Variants in COL28A1 observed in about 807,000 individuals in gnomAD.
COL28A1 encodes collagen alpha-1(XXVIII) chain.
COL28A1 carries 161 observed loss-of-function variants against 150.2 expected under a neutral mutation model. The ratio of observed to expected loss-of-function variants is 1.07; its 90% CI spans 0.94 to 1.22. The LOEUF is 1.22. Ranked by LOEUF, COL28A1 falls within the 50% of genes most tolerant of loss-of-function variation. The pLI, the probability that COL28A1 is intolerant of heterozygous loss-of-function variation, is 0.00. For missense variants in COL28A1, 1,617 were observed against 1,388.3 expected (o/e 1.16, Z -2.62); for synonymous variants, 552 against 469.7 (o/e 1.18, Z -2.26).
At chr7:7,541,892 A>G in the COL28A1 span, among the ~76,000 whole-genome samples, 1 of 152,160 alleles carries the variant, frequency 6.6e-6, no homozygotes, top group African/African-American at 2.4e-5. Flanking sequence ...CAGTCACTTC[A>G]ACCCAGTGAA....
At chr7:7,410,603 T>C (rs889616111) in intron 27 of COL28A1, among the ~76,000 whole-genome samples, 4 of 152,142 alleles carry the variant, frequency 2.6e-5, no homozygotes, top group Non-Finnish European at 5.9e-5. Flanking sequence ...TCAACTTGAA[T>C]GCAGTGATTT....
intron 8 of COL28A1, chr7:7,511,668 T>C (rs1051190587): frequency 2.2e-5 from 10 of 460,696 alleles, no homozygotes; most frequent in Non-Finnish European, 4.5e-5. Context: ...CACCTAGTAG[T>C]GTTCACCTGG....
At chr7:7,502,161 A>T (rs143679592) in intron 11 of COL28A1, among the ~76,000 whole-genome samples, 1,546 of 152,182 alleles carry the variant, frequency 0.01, 26 homozygotes, top group African/African-American at 0.035. Flanking sequence ...CGGCCTCCCA[A>T]AGTGCTGGGA....
intron 18 of COL28A1, among the ~76,000 whole-genome samples, chr7:7,446,648 G>C (rs1342491023): frequency 6.6e-6 from 1 of 152,144 alleles, no homozygotes; most frequent in Non-Finnish European, 1.5e-5. Context: ...ATTATACAAT[G>C]GCAAGACAAG....
chr7:7,352,797 T>C (rs550037940), downstream of COL28A1, among the ~76,000 whole-genome samples: 8 of 152,326 alleles, frequency 5.3e-5, no homozygotes, highest in African/African-American at 1.2e-4. Flanking sequence ...TAATTTGTTA[T>C]AGCAGCAAAA....
intron 33 of COL28A1, among the ~76,000 whole-genome samples, chr7:7,362,612 G>T (rs1364193936): frequency 3.5e-5 from 2 of 56,970 alleles, no homozygotes; most frequent in East Asian, 8.5e-4. Context: ...TTAGAGCAAA[G>T]ATTTTTCCAT....
intron 3 of COL28A1, among the ~76,000 whole-genome samples, chr7:7,529,024 C>G (rs1359665206): frequency 6.6e-6 from 1 of 151,858 alleles, no homozygotes; most frequent in Non-Finnish European, 1.5e-5. Flanking sequence ...GTTCTGGGCC[C>G]GGCGCGATGG....
In COL28A1 at chr7:7,366,079, G is replaced by A. The variant is rs117267017; in HGVS notation, c.3066+4646C>T. 1.8e-4 allele frequency among the ~76,000 whole-genome samples: 28 copies of A among 152,114 alleles called. No homozygotes were observed. The East Asian group carries it at 5.2e-3, about 28-fold the overall frequency. ...AGTGCAGTAAAATAGCCTGCATTCT[G>A]GCTTTACCCAGTAAACATTTTTGAC... On this transcript the variant is annotated intron_variant, in intron 33 of 34. Transcript: ENST00000399429.
At chr7:7,404,565 C>G (rs1783394283) in intron 27 of COL28A1, among the ~76,000 whole-genome samples, 1 of 152,036 alleles carries the variant, frequency 6.6e-6, no homozygotes, top group African/African-American at 2.4e-5. Context: ...CTTCCCTCTT[C>G]CTGAAATGTT....
chr7:7,394,021 C>T (rs1483763274), intron 27 of COL28A1, among the ~76,000 whole-genome samples: 1 of 151,852 alleles, frequency 6.6e-6, no homozygotes, highest in Admixed American at 6.6e-5. Context: ...TCTGCCCAAA[C>T]AGCCTCCCAG....
intron 16 of COL28A1, among the ~76,000 whole-genome samples, chr7:7,455,464 A>G (rs1787071834): frequency 6.6e-6 from 1 of 152,236 alleles, no homozygotes; most frequent in Admixed American, 6.5e-5. Flanking sequence ...AGACATTCTT[A>G]CAGATCTTTC....
chr7:7,482,281 T>C (rs1164476552), intron 13 of COL28A1, among the ~76,000 whole-genome samples: 1 of 152,100 alleles, frequency 6.6e-6, no homozygotes, highest in African/African-American at 2.4e-5. Flanking sequence ...TCCCAGCACT[T>C]CAGGACGCTG....
intron 27 of COL28A1, 80 bp downstream of exon 27, chr7:7,417,779 T>C: frequency 8.3e-7 from 1 of 1,201,672 alleles, no homozygotes; most frequent in South Asian, 1.2e-5. Flanking sequence ...ATAATAGCCA[T>C]TTTTGCGTTA....
At chr7:7,354,302 T>A (rs566059445), downstream of COL28A1, among the ~76,000 whole-genome samples, 32 of 152,174 alleles carry the variant, frequency 2.1e-4, no homozygotes, top group South Asian at 6.0e-3. Context: ...CCAAAAAAAA[T>A]TTATTTTAAG....
chr7:7,457,951 A>G (rs1490940710), intron 15 of COL28A1, among the ~76,000 whole-genome samples: 3 of 152,200 alleles, frequency 2.0e-5, no homozygotes, highest in African/African-American at 4.8e-5. Flanking sequence ...TGAGGGTCAT[A>G]ATGATGTCTC....
Position 7,474,616 on chromosome 7 carries a change from T to C in COL28A1, c.1287A>G (p.Ser429=). The C allele has an allele frequency of 7.6e-7, 1 of 1,320,372 alleles. No homozygotes were observed. Among genetic ancestry groups the C allele is most frequent in the Non-Finnish European group, 1.1e-6 (1 of 912,324 alleles). 81.8% of individuals were successfully genotyped at this position (1,320,372 alleles called of 1,614,324 possible). The change falls in exon 15 of 35, where the codon TCA becomes TCG. Residue 429 remains serine, a synonymous_variant. Coordinates refer to ENST00000399429, the MANE Select transcript of COL28A1 (RefSeq NM_001037763.3). ...PTGPQGLQGL[S]IKGEKGDIGP... is the part of the protein sequence containing the mutation. ...TATACAGTACCTTCTCCCCTTTGAT[T>C]GACAGGCCTTGTAATCCCTGTGGGC...
At position 7,393,732 on chromosome 7, in the gene COL28A1, C is replaced by T. The variant is rs189631218; in HGVS notation, c.2137-12120G>A. Among the ~76,000 whole-genome samples the T allele has an allele frequency of 1.6e-3, 241 of 152,288 alleles. 1 individual carries two copies. The highest frequency in any genetic ancestry group is 3.5e-3 in the Admixed American group (53 of 15,298). ...AGGATTCCACCCAATTGGGACTTCC[C>T]CGCAACTTTCTTTACATTGTGAGGG... On this transcript the variant is annotated intron_variant, in intron 27 of 34. Transcript: ENST00000399429.
At chr7:7,388,417 G>A (rs1453323585) in intron 27 of COL28A1, among the ~76,000 whole-genome samples, 1 of 151,986 alleles carries the variant, frequency 6.6e-6, no homozygotes, top group Non-Finnish European at 1.5e-5. Context: ...TCATTAACGG[G>A]CATTTGGGTT....
chr7:7,371,922 T>G (rs1781245608), intron 32 of COL28A1, among the ~76,000 whole-genome samples: 1 of 151,920 alleles, frequency 6.6e-6, no homozygotes, highest in East Asian at 2.0e-4. Flanking sequence ...AACCTCCGCC[T>G]CCCAGGTTCC....
Sources: allele counts gnomAD v4.1 joint callset (sites outside exome capture counted in the v4.1 genomes callset), GRCh38; gene constraint gnomAD v4.1.1; transcripts MANE v1.5; gene names NCBI Gene and HGNC (gene_info 2026-07-23, HGNC 2026-07-21).